PES1: variants seen among roughly 807,000 people sequenced by gnomAD.
The protein encoded by PES1 is pescadillo homolog.
In PES1, 31 loss-of-function variants were observed where a neutral mutation model predicts 77.1. The ratio of observed to expected loss-of-function variants is 0.40; its 90% CI spans 0.30 to 0.54. The LOEUF (loss-of-function observed/expected upper bound fraction) is 0.54, where lower values mean the gene tolerates loss of function less well. Ranked by LOEUF, PES1 falls within the 20% of genes least tolerant of loss-of-function variation. The pLI is 0.45. For synonymous variants in PES1, 282 were observed against 303.0 expected, an observed-to-expected ratio of 0.93 and a Z score of 0.72; for missense variants, 658 against 771.7, an observed-to-expected ratio of 0.85 and a Z score of 1.75.
chr22:30,581,139 T>C (rs764547924), intron 8 of PES1, 38 bp from the exon 9 acceptor site: 2 of 1,533,476 alleles, frequency 1.3e-6, no homozygotes, highest in East Asian at 4.5e-5. Context: ...GTGGGGGACC[T>C]CATGCGGGCA....
chr22:30,600,270 G>A (rs1602030195), intron 2 of PES1, among the ~76,000 whole-genome samples: 1 of 152,060 alleles, frequency 6.6e-6, no homozygotes, highest in South Asian at 2.1e-4. Context: ...GGAGATGGAG[G>A]TTGCAGTGTC....
At chr22:30,585,499 G>C (rs2087069229) in intron 4 of PES1, 1 of 289,362 alleles carries the variant, frequency 3.5e-6, no homozygotes, top group Admixed American at 4.0e-5. Context: ...CAGCTCCCTA[G>C]AAACACCTTG....
intron 14 of PES1, among the ~76,000 whole-genome samples, chr22:30,578,615 G>A (rs1029870947): frequency 2.6e-5 from 4 of 152,200 alleles, no homozygotes; most frequent in African/African-American, 7.2e-5. Context: ...GGGGTGGGAC[G>A]GAAGCCGTAA....
intron 2 of PES1, among the ~76,000 whole-genome samples, chr22:30,599,840 C>T (rs979812608): frequency 1.3e-5 from 2 of 151,950 alleles, no homozygotes; most frequent in African/African-American, 4.8e-5. Flanking sequence ...GCAGAGGTTG[C>T]GGTGAGCCGA....
chr22:30,590,668 T>G (rs2146480290), intron 1 of PES1, among the ~76,000 whole-genome samples: 1 of 152,300 alleles, frequency 6.6e-6, no homozygotes, highest in South Asian at 2.1e-4. Context: ...CCTGGGTATG[T>G]GCTGGGGGGA....
chr22:30,587,393 C>A lies in PES1; in HGVS notation c.261G>T (p.Val87=), dbSNP rs959113399. The change falls in exon 4 of 15, where the codon GTG becomes GTT. Residue 87 remains valine, a splice_region_variant and synonymous_variant. Transcript: ENST00000354694. Reference sequence around the variant, plus strand: ...AAGCCTTCCGGAGCTTCCGGACGAACACCTGGAAGAAAGAAAGAAAACACC... The same window carrying A: ...AAGCCTTCCGGAGCTTCCGGACGAAAACCTGGAAGAAAGAAAGAAAACACC... ...PIVNKFREYK[V]FVRKLRKAYG... is the part of the protein sequence containing the mutation. 6.2e-7 allele frequency: 1 copy of A among 1,612,080 alleles called. No individual in the cohort carries two copies.
chr22:30,586,831 C>T (rs929679023), intron 4 of PES1, among the ~76,000 whole-genome samples: 1 of 152,158 alleles, frequency 6.6e-6, no homozygotes, highest in East Asian at 1.9e-4. Flanking sequence ...TGTCTGTAAT[C>T]CCAACTACTC....
chr22:30,588,048 G>C lies in PES1; in HGVS notation c.231C>G (p.Pro77=). Reference sequence around the variant, plus strand: ...TGTATTCACGGAACTTGTTGACAATGGGTTCGTGGAGGAGAAACCTGATGT... The same window carrying C: ...TGTATTCACGGAACTTGTTGACAATCGGTTCGTGGAGGAGAAACCTGATGT... ...IKDIRFLLHE[P]IVNKFREYKV... Residue 77 remains proline (P), a synonymous_variant, in exon 3 of 15, where the codon CCC becomes CCG. Transcript: ENST00000354694. 6.2e-7 allele frequency: 1 copy of C among 1,614,104 alleles called. No individual in the cohort carries two copies. Among genetic ancestry groups the C allele is most frequent in the African/African-American group, 1.3e-5 (1 of 75,064 alleles).
intron 2 of PES1, among the ~76,000 whole-genome samples, chr22:30,601,276 C>G (rs62227034): frequency 6.6e-6 from 1 of 152,102 alleles, no homozygotes; most frequent in Non-Finnish European, 1.5e-5. Context: ...GACACATCCT[C>G]TTTATCTCTC....
intron 2 of PES1, among the ~76,000 whole-genome samples, chr22:30,604,542 A>G (rs1484622972): frequency 6.6e-6 from 1 of 152,122 alleles, no homozygotes; most frequent in Non-Finnish European, 1.5e-5. Flanking sequence ...TTGAGGCAGG[A>G]GAATCGCTTG....
chr22:30,581,198 G>A lies in PES1; in HGVS notation c.823-97C>T, dbSNP rs542528598. The A allele has an allele frequency of 1.3e-5, 17 of 1,347,754 alleles. No homozygotes were observed. The African/African-American group carries it at 2.1e-4, about 17-fold the overall frequency. 83.5% of individuals were successfully genotyped at this position (1,347,754 alleles called of 1,614,324 possible). A position where few individuals can be genotyped will look rare whatever the true frequency, so the allele number is the denominator to read the frequency against. On this transcript the variant is annotated intron_variant, in intron 8 of 14. Transcript: ENST00000354694. ...GCAGTGACAGTCCTGGGCATCAGCA[G>A]GTGTGGGTTCCAAGGGCAGGCTGAG... is the stretch of plus-strand genomic sequence containing the variant.
rs1284984825 is a variant in PES1, at chr22:30,584,473, C to T, written c.541-19G>A. The T allele has an allele frequency of 1.9e-6, 3 of 1,610,132 alleles. No individual in the cohort carries two copies. In the South Asian group the frequency reaches 3.3e-5, roughly 18 times the overall value. On this transcript the variant is annotated intron_variant, in intron 5 of 14. Transcript: ENST00000354694. ...GGAAGACCTAGGGGAGAGGAGGAGA[C>T]ATCTGGGTGAAGACCATGGGGTGGC...
intron 2 of PES1, among the ~76,000 whole-genome samples, chr22:30,605,082 C>T (rs1251792396): frequency 6.6e-6 from 1 of 152,122 alleles, no homozygotes; most frequent in Non-Finnish European, 1.5e-5. Context: ...CAACCTCAGC[C>T]TCCTGGGCTC....
exon 1 of PES1, chr22:30,606,888 A>C: frequency 9.5e-7 from 1 of 1,049,378 alleles, no homozygotes; most frequent in East Asian, 8.5e-5. Flanking sequence ...TTTGGTAAGG[A>C]GTACCGGGTA....
At chr22:30,585,211 C>T (rs1245853371) in intron 4 of PES1, 1 of 469,696 alleles carries the variant, frequency 2.1e-6, no homozygotes, top group South Asian at 1.6e-5. Context: ...TAGGTTATGT[C>T]TTCCATGCCT....
rs760401325 is a variant in PES1 at position 30,579,252 on chromosome 22, C to T, written c.1406G>A (p.Gly469Asp). The change falls in exon 13 of 15, where the codon GGT becomes GAT. Residue 469 changes from glycine to aspartate, a missense_variant. Gly to Asp is a moderately conservative substitution (Grantham distance 94). Transcript: ENST00000354694. ...EEEEEDDNNE[G>D]DGDEEGENEE... ...ATTTTCTCCCTCTTCATCACCATCACCTTCGTTGTTGTCGTCCTCTTCCTC... is the reference window on the plus strand; with the variant it reads ...ATTTTCTCCCTCTTCATCACCATCATCTTCGTTGTTGTCGTCCTCTTCCTC... 5 of 1,603,330 alleles carry T rather than the reference C, an allele frequency of 3.1e-6. No homozygotes were observed. The East Asian group carries it at 8.9e-5, about 29-fold the overall frequency.
intron 8 of PES1, 85 bp downstream of exon 8, chr22:30,581,249 C>G (rs2086982417): frequency 6.8e-7 from 1 of 1,472,114 alleles, no homozygotes; most frequent in Non-Finnish European, 9.4e-7. Flanking sequence ...ATAACCACCC[C>G]CACTCTGAAC....
intron 9 of PES1, 130 bp from the exon 10 acceptor site, chr22:30,580,831 G>T: frequency 7.1e-7 from 1 of 1,404,546 alleles, no homozygotes; most frequent in South Asian, 1.3e-5. Context: ...AAACTCCAAG[G>T]CCCCACTCCT....
chr22:30,582,502 CAG>C (rs2087002614), intron 6 of PES1, among the ~76,000 whole-genome samples: 1 of 152,216 alleles, frequency 6.6e-6, no homozygotes, highest in African/African-American at 2.4e-5. Flanking sequence ...TAGGGCAAAA[CAG>C]GGCAAAGAAC....
Sources: allele counts gnomAD v4.1 joint callset (sites outside exome capture counted in the v4.1 genomes callset), GRCh38; gene constraint gnomAD v4.1.1; transcripts MANE v1.5; gene names NCBI Gene and HGNC (gene_info 2026-07-23, HGNC 2026-07-21).